The following GRID2 variants were observed in gnomAD, a reference collection of about 807,000 sequenced individuals.
GRID2 encodes glutamate receptor ionotropic, delta-2.
A neutral mutation model predicts 114.8 loss-of-function variants in GRID2; 33 were observed. The ratio of observed to expected loss-of-function variants is 0.29; its 90% confidence interval spans 0.22 to 0.38. The LOEUF (loss-of-function observed/expected upper bound fraction) is 0.38, where lower values mean the gene tolerates loss of function less well. GRID2 is among the 10% of genes least tolerant of loss of function. The pLI is 1.00. For synonymous variants in GRID2, 505 were observed against 449.9 expected (o/e 1.12, Z -1.55); for missense variants, 1,184 against 1,257.7 (o/e 0.94, Z 0.89).
chr4:93,663,146 C>G (rs1343874483), intron 14 of GRID2, among the ~76,000 whole-genome samples: 1 of 152,184 alleles, frequency 6.6e-6, no homozygotes, highest in African/African-American at 2.4e-5. Flanking sequence ...TTCTCTCATG[C>G]TATCATAACC....
At chr4:92,999,998 A>G (rs1243488148) in intron 2 of GRID2, among the ~76,000 whole-genome samples, 1 of 151,718 alleles carries the variant, frequency 6.6e-6, no homozygotes, top group African/African-American at 2.4e-5. Context: ...AATAAAAAGG[A>G]AACTTGTTTG....
At chr4:92,792,463 AC>A (rs1560594748) in intron 2 of GRID2, among the ~76,000 whole-genome samples, 28 of 90,776 alleles carry the variant, frequency 3.1e-4, no homozygotes, top group Non-Finnish European at 2.4e-4. Context: ...GAGAACACAC[AC>A]ACACACACAC....
chr4:93,770,148 ATAAAT>A (rs1338201740), intron 15 of GRID2, among the ~76,000 whole-genome samples: 2 of 152,218 alleles, frequency 1.3e-5, no homozygotes, highest in African/African-American at 4.8e-5. Context: ...TATGAGACTT[ATAAAT>A]TAAAGAAAAT....
At chr4:93,623,345 C>T (rs1052209466) in intron 13 of GRID2, among the ~76,000 whole-genome samples, 5 of 152,134 alleles carry the variant, frequency 3.3e-5, no homozygotes, top group African/African-American at 9.6e-5. Context: ...GTGTGATGTT[C>T]CCCTTTCTGT....
intron 1 of GRID2, among the ~76,000 whole-genome samples, chr4:92,571,911 A>C (rs1727642425): frequency 6.6e-6 from 1 of 152,196 alleles, no homozygotes; most frequent in Non-Finnish European, 1.5e-5. Flanking sequence ...TATAGCACTA[A>C]ATGCCTACAA....
intron 4 of GRID2, among the ~76,000 whole-genome samples, chr4:93,133,033 C>T (rs938750687): frequency 6.6e-6 from 1 of 152,142 alleles, no homozygotes; most frequent in South Asian, 2.1e-4. Flanking sequence ...TGAGGTTAAA[C>T]CTGGACTTTC....
chr4:92,745,790 T>C (rs1185489612), intron 2 of GRID2, among the ~76,000 whole-genome samples: 2 of 152,058 alleles, frequency 1.3e-5, no homozygotes, highest in Non-Finnish European at 2.9e-5. Flanking sequence ...AAGTTTATAA[T>C]ATATTTAAAT....
At chr4:93,001,418 T>A (rs894300571) in intron 2 of GRID2, among the ~76,000 whole-genome samples, 1 of 151,636 alleles carries the variant, frequency 6.6e-6, no homozygotes, top group African/African-American at 2.4e-5. Context: ...TTGGTTGGAT[T>A]AATATGTAAA....
intron 1 of GRID2, among the ~76,000 whole-genome samples, chr4:92,479,352 T>A (rs1428124854): frequency 6.6e-6 from 1 of 152,126 alleles, no homozygotes; most frequent in Admixed American, 6.6e-5. Flanking sequence ...CCAAGTCTAA[T>A]TCATAATAAA....
chr4:93,042,625 CTATA>C (rs34331791), intron 2 of GRID2, among the ~76,000 whole-genome samples: 9 of 135,972 alleles, frequency 6.6e-5, no homozygotes, highest in East Asian at 2.2e-4. Flanking sequence ...CTCTCTCTCT[CTATA>C]TATATATATA....
At chr4:92,688,248 C>T (rs55707114) in intron 2 of GRID2, among the ~76,000 whole-genome samples, 11,810 of 151,172 alleles carry the variant, frequency 0.078, 489 homozygotes, top group East Asian at 0.086. Context: ...CAGGGTTTCA[C>T]TATTTTGGCC....
intron 2 of GRID2, among the ~76,000 whole-genome samples, chr4:92,976,255 A>G (rs1309144239): frequency 6.6e-6 from 1 of 152,108 alleles, no homozygotes; most frequent in Non-Finnish European, 1.5e-5. Flanking sequence ...GATAAAATAC[A>G]TATGTGAAAA....
intron 5 of GRID2, among the ~76,000 whole-genome samples, chr4:93,211,665 A>C (rs1049160679): frequency 1.3e-5 from 2 of 152,026 alleles, no homozygotes; most frequent in African/African-American, 4.8e-5. Context: ...CCACAGCCCT[A>C]CTTTCTTGTC....
chr4:92,490,473 C>T (rs1158912536), intron 1 of GRID2, among the ~76,000 whole-genome samples: 1 of 152,126 alleles, frequency 6.6e-6, no homozygotes, highest in Non-Finnish European at 1.5e-5. Flanking sequence ...AGCAAATGGA[C>T]AAATGCTTTA....
At chr4:93,025,461 C>A in intron 2 of GRID2, among the ~76,000 whole-genome samples, 1 of 151,648 alleles carries the variant, frequency 6.6e-6, no homozygotes, top group East Asian at 1.9e-4. Flanking sequence ...GAATTTGTTT[C>A]ATCTACTTTT....
intron 4 of GRID2, among the ~76,000 whole-genome samples, chr4:93,192,796 A>C (rs965405322): frequency 6.6e-6 from 1 of 151,128 alleles, no homozygotes; most frequent in Non-Finnish European, 1.5e-5. Flanking sequence ...TTTTAAAATT[A>C]TCCTGAGCTA....
intron 2 of GRID2, among the ~76,000 whole-genome samples, chr4:93,057,864 A>G (rs1026990321): frequency 6.6e-6 from 1 of 151,930 alleles, no homozygotes; most frequent in Non-Finnish European, 1.5e-5. Flanking sequence ...AATTCCGTCA[A>G]AGTTTCATTT....
intron 2 of GRID2, among the ~76,000 whole-genome samples, chr4:92,873,873 C>A (rs1280049225): frequency 6.6e-6 from 1 of 152,110 alleles, no homozygotes; most frequent in East Asian, 1.9e-4. Flanking sequence ...TGCCACCACA[C>A]CCGGCTAATT....
intron 2 of GRID2, among the ~76,000 whole-genome samples, chr4:92,868,071 TCTG>T (rs751315007): frequency 0.11 from 12,841 of 118,994 alleles, 586 homozygotes; most frequent in Admixed American, 0.15. Flanking sequence ...TTTCTTTCTG[TCTG>T]TCTGTCTGTC....
Sources: allele counts gnomAD v4.1 joint callset (sites outside exome capture counted in the v4.1 genomes callset), GRCh38; gene constraint gnomAD v4.1.1; transcripts MANE v1.5; gene names NCBI Gene and HGNC (gene_info 2026-07-23, HGNC 2026-07-21).